The following ANKRD28 variants were observed in gnomAD, a reference collection of about 807,000 sequenced individuals.
ANKRD28 encodes the protein ankyrin repeat domain 28, also known as serine/threonine-protein phosphatase 6 regulatory ankyrin repeat subunit A.
Under a neutral mutation model 126.5 loss-of-function variants are expected in ANKRD28, and 44 were observed. That is an observed-to-expected ratio of 0.35 (90% confidence interval 0.27 to 0.45). The LOEUF is 0.45. Among genes scored for constraint, ANKRD28 ranks in the 20% least tolerant of loss-of-function variants. The pLI is 1.00. For synonymous variants in ANKRD28, 442 were observed against 468.5 expected, an observed-to-expected ratio of 0.94 and a Z score of 0.73; for missense variants, 1,110 against 1,316.6, an observed-to-expected ratio of 0.84 and a Z score of 2.43.
At chr3:15,671,774 G>A (rs1032959798) in intron 27 of ANKRD28, among the ~76,000 whole-genome samples, 1 of 151,770 alleles carries the variant, frequency 6.6e-6, no homozygotes, top group Admixed American at 6.6e-5. Context: ...TAGTAGAGAT[G>A]GGATTTCGCT....
chr3:15,850,295 A>C (rs1394307454), intron 1 of ANKRD28, among the ~76,000 whole-genome samples: 4 of 148,790 alleles, frequency 2.7e-5, no homozygotes, highest in Non-Finnish European at 5.9e-5. Context: ...GCATATACAA[A>C]ACAACTCAAT....
intron 2 of ANKRD28, among the ~76,000 whole-genome samples, chr3:15,777,902 A>ACACACCC (rs1385745179): frequency 5.1e-5 from 7 of 136,822 alleles, no homozygotes; most frequent in South Asian, 4.6e-4. Context: ...ACACACACAC[A>ACACACCC]CCCTCTCCGC....
chr3:15,706,628 T>C (rs1370626633), intron 14 of ANKRD28, among the ~76,000 whole-genome samples: 2 of 152,142 alleles, frequency 1.3e-5, no homozygotes, highest in East Asian at 3.8e-4. Flanking sequence ...CTGGGTCAAA[T>C]GGTATTTCTA....
chr3:15,819,554 C>T (rs2060900270), intron 1 of ANKRD28, among the ~76,000 whole-genome samples: 1 of 152,118 alleles, frequency 6.6e-6, no homozygotes, highest in African/African-American at 2.4e-5. Context: ...TGGTTGGCTA[C>T]AGTACAGGAA....
chr3:15,850,204 A>AATATATATAT lies in ANKRD28; in HGVS notation c.27+9163_27+9172dup, dbSNP rs1226795631. On this transcript the variant is annotated intron_variant, in intron 1 of 27. Transcript: ENST00000399451. ...TCTACATGCAATAAAAAAAAAAAAA[A>AATATATATAT]ATATATATATATATATATATAGAGA... Among the ~76,000 whole-genome samples, 36 of 54,784 alleles carry AATATATATAT rather than the reference A, an allele frequency of 6.6e-4. 1 individual carries two copies. Among genetic ancestry groups the AATATATATAT allele is most frequent in the African/African-American group, 1.4e-3 (24 of 16,894 alleles). The allele number at this position is 54,784 out of a possible 152,430, so 35.9% of individuals were successfully genotyped here.
At chr3:15,743,545 A>AACACACACACACACAC (rs4036221) in intron 4 of ANKRD28, among the ~76,000 whole-genome samples, 13 of 140,484 alleles carry the variant, frequency 9.3e-5, no homozygotes, top group South Asian at 2.3e-4. Flanking sequence ...GTGGCTTTTT[A>AACACACACACACACAC]ACACACACAC....
intron 2 of ANKRD28, among the ~76,000 whole-genome samples, chr3:15,782,933 T>C (rs1017481862): frequency 2.6e-5 from 4 of 152,104 alleles, no homozygotes; most frequent in African/African-American, 9.7e-5. Context: ...CTTTCCTTTT[T>C]GGAAGAAAAT....
At chr3:15,706,511 C>T (rs1200868507) in intron 14 of ANKRD28, among the ~76,000 whole-genome samples, 3 of 152,096 alleles carry the variant, frequency 2.0e-5, no homozygotes, top group African/African-American at 7.2e-5. Context: ...TGGGGTGGTT[C>T]CAAGTCTTTG....
rs552267198 is a variant in ANKRD28 at position 15,703,653 on chromosome 3, C to T, written c.1547+4271G>A. Among the ~76,000 whole-genome samples, 8 of 152,182 alleles carry T rather than the reference C, an allele frequency of 5.3e-5. No homozygotes were observed. The East Asian group carries it at 1.5e-3, about 29-fold the overall frequency. ...AAGATTTCTGTTGTTTATAAGCCAC[C>T]CAGTTTTTGGTATTTTGTTATACCA... On this transcript the variant is annotated intron_variant, in intron 14 of 27. Transcript: ENST00000683139.
rs1380186942 is a variant in ANKRD28 at position 15,797,370 on chromosome 3, C to T, written c.-849G>A. On this transcript the variant is annotated 5_prime_UTR_variant, in exon 1 of 28. Coordinates refer to ENST00000683139, the MANE Select transcript of ANKRD28 (RefSeq NM_001349278.2). ...GAAACACAGTTAGCTTTATTCCCAT[C>T]GATAGCATAAGCAAGGCAGAGCGTT... The T allele has an allele frequency of 9.0e-5, 89 of 985,216 alleles. No individual in the cohort carries two copies. The highest frequency in any genetic ancestry group is 2.3e-4 in the East Asian group (2 of 8,820). The allele number at this position is 985,216 out of a possible 1,614,324, so 61.0% of individuals were successfully genotyped here. A position where few individuals can be genotyped will look rare whatever the true frequency, so the allele number is the denominator to read the frequency against.
chr3:15,721,355 T>C (rs779517559), intron 7 of ANKRD28, among the ~76,000 whole-genome samples: 2 of 152,224 alleles, frequency 1.3e-5, no homozygotes, highest in Non-Finnish European at 2.9e-5. Flanking sequence ...ATAATTCACA[T>C]ACACAATGTC....
Position 15,766,243 on chromosome 3 carries a change from T to C in ANKRD28, c.271A>G (p.Ile91Val), listed in dbSNP as rs781415601. The C allele has an allele frequency of 8.7e-6, 14 of 1,610,114 alleles. No homozygotes were observed. The Admixed American group carries it at 2.0e-4, about 23-fold the overall frequency. ...LGDAEIIELL[I>V]LSGARVNAKD... Reference sequence around the variant, plus strand: ...TCAGAGGTTACCATACCAGATAAAATAAGAAGTTCAATGATTTCTGCATCT... The same window carrying C: ...TCAGAGGTTACCATACCAGATAAAACAAGAAGTTCAATGATTTCTGCATCT... The change falls in exon 3 of 28, where the codon ATT becomes GTT. Residue 91 changes from isoleucine to valine, a missense_variant. Transcript: ENST00000683139.
chr3:15,713,176 T>C (rs529588266), intron 10 of ANKRD28, among the ~76,000 whole-genome samples: 40 of 152,192 alleles, frequency 2.6e-4, no homozygotes, highest in Admixed American at 2.5e-3. Flanking sequence ...TATCTACAGA[T>C]AGTATTTGGA....
At chr3:15,696,690 AAACCTCAAGAAACCAAGGTCAG>A (rs1436897480) in intron 14 of ANKRD28, among the ~76,000 whole-genome samples, 20 of 152,174 alleles carry the variant, frequency 1.3e-4, no homozygotes, top group African/African-American at 4.8e-4. Flanking sequence ...AAACAAAACA[AAACCTCAAGAAACCAAGGTCAG>A]AACTCAATGA....
chr3:15,834,056 TC>T (rs1336847134), intron 1 of ANKRD28, among the ~76,000 whole-genome samples: 1 of 152,226 alleles, frequency 6.6e-6, no homozygotes, highest in African/African-American at 2.4e-5. Flanking sequence ...GTTCACTGTT[TC>T]TTTTACTGTG....
chr3:15,807,334 T>C (rs1363108077), intron 1 of ANKRD28, among the ~76,000 whole-genome samples: 1 of 152,134 alleles, frequency 6.6e-6, no homozygotes, highest in Non-Finnish European at 1.5e-5. Context: ...GATTAGCTTG[T>C]AATATTCGGG....
chr3:15,782,265 A>G (rs1463672261), intron 2 of ANKRD28, among the ~76,000 whole-genome samples: 3 of 152,108 alleles, frequency 2.0e-5, no homozygotes, highest in Non-Finnish European at 4.4e-5. Flanking sequence ...TTCCTGGAGC[A>G]TGGAGTAGAG....
At chr3:15,709,541 C>A in intron 13 of ANKRD28, 127 bp downstream of exon 13, 1 of 561,598 alleles carries the variant, frequency 1.8e-6, no homozygotes, top group South Asian at 3.1e-5. Context: ...TCAGCTGGGA[C>A]TCTCAATGAA....
At chr3:15,799,560 T>A (rs1050996146), upstream of ANKRD28, among the ~76,000 whole-genome samples, 3 of 152,092 alleles carry the variant, frequency 2.0e-5, no homozygotes, top group Non-Finnish European at 2.9e-5. Context: ...CATCTCCACA[T>A]AGCTGAATCA....
Sources: gnomAD v4.1 joint callset for allele counts (sites outside exome capture counted in the v4.1 genomes callset) on GRCh38, gnomAD v4.1.1 for gene constraint, MANE v1.5 for transcripts, NCBI Gene and HGNC (gene_info 2026-07-23, HGNC 2026-07-21) for gene names.